Variants in WDFY3 observed in about 807,000 individuals in gnomAD.
WDFY3 encodes the protein WD repeat and FYVE domain-containing protein 3.
Under a neutral mutation model 409.6 loss-of-function variants are expected in WDFY3, and 66 were observed. The observed-to-expected ratio is 0.16, with a 90% CI of 0.13 to 0.20. The LOEUF is 0.20. Among genes scored for constraint, WDFY3 ranks in the 10% least tolerant of loss-of-function variants. WDFY3 has a pLI of 1.00. For missense variants in WDFY3, 3,031 were observed against 4,298.1 expected (o/e 0.71, Z 8.24); for synonymous variants, 1,521 against 1,537.1 (o/e 0.99, Z 0.25).
intron 1 of WDFY3, among the ~76,000 whole-genome samples, chr4:84,934,627 A>G (rs1231872699): frequency 6.6e-6 from 1 of 152,164 alleles, no homozygotes; most frequent in Non-Finnish European, 1.5e-5. Context: ...CTAAATTATG[A>G]CTTCAGATTA....
chr4:84,764,405 C>T (rs1156881407), intron 32 of WDFY3, among the ~76,000 whole-genome samples: 1 of 152,150 alleles, frequency 6.6e-6, no homozygotes, highest in Non-Finnish European at 1.5e-5. Flanking sequence ...CAAAAGTACC[C>T]ATGATGATCA....
chr4:84,724,358 T>C, intron 46 of WDFY3, 68 bp downstream of exon 46: 2 of 1,528,492 alleles, frequency 1.3e-6, no homozygotes, highest in Non-Finnish European at 1.8e-6. Context: ...TGCTCAAATT[T>C]TTGTATGAAT....
chr4:84,941,726 T>G (rs1024263569), intron 1 of WDFY3, among the ~76,000 whole-genome samples: 12 of 152,014 alleles, frequency 7.9e-5, no homozygotes, highest in African/African-American at 2.9e-4. Flanking sequence ...TCAAAACGAT[T>G]TGGAAACAAA....
chr4:84,828,074 A>AGAGGGAGGGAGG (rs923450236), intron 9 of WDFY3, among the ~76,000 whole-genome samples: 1 of 138,640 alleles, frequency 7.2e-6, no homozygotes, highest in African/African-American at 2.6e-5. Flanking sequence ...ATGAGACCCC[A>AGAGGGAGGGAGG]GAGGGAGGGA....
At chr4:84,880,999 A>G (rs2150398380) in intron 3 of WDFY3, among the ~76,000 whole-genome samples, 1 of 152,046 alleles carries the variant, frequency 6.6e-6, no homozygotes, top group South Asian at 2.1e-4. Context: ...CTGGGATTAC[A>G]GGTACGACCC....
intron 5 of WDFY3, among the ~76,000 whole-genome samples, chr4:84,842,580 C>T (rs1757523519): frequency 6.6e-6 from 1 of 151,746 alleles, no homozygotes; most frequent in African/African-American, 2.4e-5. Flanking sequence ...GAGATCGAGG[C>T]CATCTTGGCC....
At chr4:84,842,462 G>A (rs535447605) in intron 5 of WDFY3, among the ~76,000 whole-genome samples, 82 of 151,306 alleles carry the variant, frequency 5.4e-4, no homozygotes, top group African/African-American at 1.8e-3. Flanking sequence ...GGGCAACAGA[G>A]TGAGACTCTG....
At chr4:84,944,465 G>C (rs1236052281) in intron 1 of WDFY3, among the ~76,000 whole-genome samples, 2 of 152,116 alleles carry the variant, frequency 1.3e-5, no homozygotes, top group Non-Finnish European at 2.9e-5. Context: ...CTTGAGGGAG[G>C]AGACTGCAGT....
intron 1 of WDFY3, among the ~76,000 whole-genome samples, chr4:84,956,651 C>T (rs1294701994): frequency 6.6e-6 from 1 of 152,190 alleles, no homozygotes; most frequent in East Asian, 1.9e-4. Context: ...TGGGGCTTCA[C>T]ATGTACCTAG....
chr4:84,906,001 C>T (rs984793288), intron 2 of WDFY3, among the ~76,000 whole-genome samples: 2 of 152,132 alleles, frequency 1.3e-5, no homozygotes, highest in Admixed American at 6.5e-5. Flanking sequence ...CCATGGTCTG[C>T]GCTTAACATC....
intron 10 of WDFY3, among the ~76,000 whole-genome samples, chr4:84,826,554 T>C (rs1198806599): frequency 6.6e-6 from 1 of 152,192 alleles, no homozygotes; most frequent in African/African-American, 2.4e-5. Flanking sequence ...GATTAAATTG[T>C]TTGAATGTTA....
Position 84,671,111 on chromosome 4 carries a change from T to C in WDFY3, c.*1757A>G, listed in dbSNP as rs1362934961. The C allele has an allele frequency of 6.6e-6, 1 of 152,648 alleles. No individual in the cohort carries two copies. Among genetic ancestry groups the C allele is most frequent in the Non-Finnish European group, 1.5e-5 (1 of 68,034 alleles). 9.5% of individuals were successfully genotyped at this position (152,648 alleles called of 1,614,324 possible). A position where few individuals can be genotyped will look rare whatever the true frequency, so the allele number is the denominator to read the frequency against. ...ACTAAAGCAGCCTTTCTATTTTCTC[T>C]TGGAGACCTAGTTATCATATCAGGA... On this transcript the variant is annotated 3_prime_UTR_variant, in exon 68 of 68. Transcript: ENST00000295888.
intron 1 of WDFY3, among the ~76,000 whole-genome samples, chr4:84,958,290 C>T (rs562071950): frequency 3.9e-5 from 6 of 152,328 alleles, no homozygotes; most frequent in African/African-American, 1.4e-4. Flanking sequence ...AAACAGATTC[C>T]ATGTCCACAT....
At position 84,678,283 on chromosome 4, in the gene WDFY3, G is replaced by T. The variant is rs1726703449; in HGVS notation, c.10148-4C>A. ...AGCTGCCGTTCCCATCGGTACCCTGGAATGGAGAAGTGGAGGACACAACAT... is the reference window on the plus strand; with the variant it reads ...AGCTGCCGTTCCCATCGGTACCCTGTAATGGAGAAGTGGAGGACACAACAT... On this transcript the variant is annotated splice_region_variant and splice_polypyrimidine_tract_variant and intron_variant, in intron 65 of 67. Transcript: ENST00000295888. 1 of 1,607,082 alleles carries T rather than the reference G, an allele frequency of 6.2e-7. No homozygotes were observed. Among genetic ancestry groups the T allele is most frequent in the Non-Finnish European group, 8.5e-7 (1 of 1,173,578 alleles).
At chr4:84,806,092 T>A (rs566048165) in intron 15 of WDFY3, among the ~76,000 whole-genome samples, 1 of 152,258 alleles carries the variant, frequency 6.6e-6, no homozygotes, top group African/African-American at 2.4e-5. Context: ...CAGTCAAATT[T>A]TGGTTTCTCC....
intron 2 of WDFY3, among the ~76,000 whole-genome samples, chr4:84,916,203 CA>C (rs1270634667): frequency 1.3e-5 from 2 of 152,012 alleles, no homozygotes; most frequent in African/African-American, 2.4e-5. Context: ...AAAACACAGG[CA>C]AAAGGTAAGT....
At chr4:84,827,649 T>C (rs1448886429) in intron 9 of WDFY3, among the ~76,000 whole-genome samples, 1 of 152,232 alleles carries the variant, frequency 6.6e-6, no homozygotes, top group Non-Finnish European at 1.5e-5. Context: ...GCTCTTAATA[T>C]CTTGCCAACC....
Position 84,672,893 on chromosome 4 carries a change from G to A in WDFY3, c.10556C>T (p.Ser3519Leu). 1 of 1,613,824 alleles carries A rather than the reference G, an allele frequency of 6.2e-7. No homozygotes were observed. The highest frequency in any genetic ancestry group is 8.5e-7 in the Non-Finnish European group (1 of 1,179,882). The change falls in exon 68 of 68, where the codon TCA becomes TTA. Residue 3519 changes from serine to leucine, a missense_variant. Physicochemically the swap from Ser to Leu is moderately radical, Grantham distance 145. Transcript: ENST00000295888. ...CYYNLQHERGSEDGPRNC is the reference protein window; with the variant it reads ...CYYNLQHERGLEDGPRNC ...TCAACAATTTCGAGGCCCATCTTCT[G>A]AACCTCTCTCATGCTGTAAGTTATA...
chr4:84,736,160 A>G lies in WDFY3; in HGVS notation c.6915+10T>C. On this transcript the variant is annotated intron_variant, in intron 42 of 67. Coordinates refer to ENST00000295888, the MANE Select transcript of WDFY3 (RefSeq NM_014991.6). ...TACAACTAATATCAGCAATGAAACTAAAAAAGTACCTGGGTGGAAAGACTG... is the reference window on the plus strand; with the variant it reads ...TACAACTAATATCAGCAATGAAACTGAAAAAGTACCTGGGTGGAAAGACTG... 6.2e-7 allele frequency: 1 copy of G among 1,602,432 alleles called. No homozygotes were observed.
Sources: allele counts gnomAD v4.1 joint callset (sites outside exome capture counted in the v4.1 genomes callset), GRCh38; gene constraint gnomAD v4.1.1; transcripts MANE v1.5; gene names NCBI Gene and HGNC (gene_info 2026-07-23, HGNC 2026-07-21).